Variants in KCNN3 observed in about 807,000 individuals in gnomAD.
The protein encoded by KCNN3 is small conductance calcium-activated potassium channel protein 3.
KCNN3 carries 16 observed loss-of-function variants against 62.9 expected under a neutral mutation model. That is an observed-to-expected ratio of 0.25 (90% CI 0.17 to 0.39). The LOEUF (loss-of-function observed/expected upper bound fraction) is 0.39. Among genes scored for constraint, KCNN3 ranks in the 10% least tolerant of loss-of-function variants. The pLI is 1.00. For missense variants in KCNN3, 599 were observed against 949.4 expected (o/e 0.63, Z 4.85); for synonymous variants, 370 against 389.2 (o/e 0.95, Z 0.58).
intron 1 of KCNN3, among the ~76,000 whole-genome samples, chr1:154,827,205 T>A (rs1651172834): frequency 6.6e-6 from 1 of 152,242 alleles, no homozygotes. Context: ...GCTCCAAAAT[T>A]GATTGATATT....
chr1:154,771,058 GATAAATAAATAAATAAATAAATAAATAA>G (rs112864449), intron 3 of KCNN3, among the ~76,000 whole-genome samples: 13 of 136,662 alleles, frequency 9.5e-5, no homozygotes, highest in African/African-American at 2.8e-4. Context: ...CTCCATCTCA[GATAAATAAATAAATAAATAAATAAATAA>G]ATAAATAAAT....
chr1:154,797,112 A>G lies in KCNN3; in HGVS notation c.1030-24719T>C, dbSNP rs143741916. On this transcript the variant is annotated intron_variant, in intron 2 of 7. Transcript: ENST00000271915. ...AGGAGAGGAGAGGGTAAGACCATCT[A>G]GAATATCCACCTCGTCCCTCCCCCT... is the stretch of plus-strand genomic sequence containing the variant. 7.2e-5 allele frequency among the ~76,000 whole-genome samples: 11 copies of G among 152,370 alleles called. No homozygotes were observed. The East Asian group carries it at 1.7e-3, about 24-fold the overall frequency.
intron 7 of KCNN3, among the ~76,000 whole-genome samples, chr1:154,712,399 C>T (rs937749968): frequency 6.6e-6 from 1 of 152,144 alleles, no homozygotes; most frequent in Admixed American, 6.5e-5. Context: ...CAAAGGCACG[C>T]GGGCCTGGAG....
rs80228100 is a variant in KCNN3, at chr1:154,723,327, G to A, written c.1701+2589C>T. On this transcript the variant is annotated intron_variant, in intron 5 of 7. Coordinates refer to ENST00000271915, the MANE Select transcript of KCNN3 (RefSeq NM_002249.6). ...TTGAGAAAAGATATTAGATATTAAA[G>A]AGACATTTCAACAGATTTAAGTGTT... 6.8e-3 allele frequency among the ~76,000 whole-genome samples: 1,033 copies of A among 152,290 alleles called. 13 individuals are homozygous for A. Among genetic ancestry groups the A allele is most frequent in the African/African-American group, 0.024 (1,009 of 41,528 alleles).
Position 154,869,982 on chromosome 1 carries a change from T to C in KCNN3, c.-18A>G. The C allele has an allele frequency of 6.2e-7, 1 of 1,608,964 alleles. No homozygotes were observed. Among genetic ancestry groups the C allele is most frequent in the South Asian group, 1.1e-5 (1 of 90,074 alleles). On this transcript the variant is annotated 5_prime_UTR_variant, in exon 1 of 8. Coordinates refer to ENST00000271915, the MANE Select transcript of KCNN3 (RefSeq NM_002249.6). This position sits in a 1 kb window ranked among gnomAD's most constrained non-coding sequence, Gnocchi z 6.1. ...GTGTCCATCTTGGGGCCTGGCTGTA[T>C]TCCCTGCAGCACAAGCCCCCACCCC...
rs769934739 is a variant in KCNN3, at chr1:154,869,742, G to GCTGCTGCTT, written c.222_223insAAGCAGCAG (p.Gln74_Gln75insLysGlnGln). On this transcript the variant is annotated inframe_insertion, in exon 1 of 8. Transcript: ENST00000271915. This position sits in a 1 kb window ranked among gnomAD's most constrained non-coding sequence, Gnocchi z 6.1. ...TGCGGTGGCTGCTGCTGCTGCTGCTGCTGCTGCTGCTGCTGCTGCTGCTGA... is the reference window on the plus strand; with the variant it reads ...TGCGGTGGCTGCTGCTGCTGCTGCTGCTGCTGCTTCTGCTGCTGCTGCTGCTGCTGCTGA... The GCTGCTGCTT allele has an allele frequency of 6.6e-7, 1 of 1,526,704 alleles. No homozygotes were observed. Among genetic ancestry groups the GCTGCTGCTT allele is most frequent in the African/African-American group, 1.4e-5 (1 of 72,372 alleles). 94.6% of individuals were successfully genotyped at this position (1,526,704 alleles called of 1,614,324 possible).
At chr1:154,863,986 A>G (rs1231750822) in intron 1 of KCNN3, among the ~76,000 whole-genome samples, 1 of 152,230 alleles carries the variant, frequency 6.6e-6, no homozygotes, top group Non-Finnish European at 1.5e-5. Context: ...TTATAAATAA[A>G]GTCACCACCA....
intron 1 of KCNN3, among the ~76,000 whole-genome samples, chr1:154,835,624 C>T (rs1651556065): frequency 6.6e-6 from 1 of 152,212 alleles, no homozygotes; most frequent in Admixed American, 6.5e-5. Flanking sequence ...CAATCACGGC[C>T]ATGTGCCTTG....
intron 4 of KCNN3, among the ~76,000 whole-genome samples, chr1:154,727,490 T>A (rs1700495763): frequency 6.6e-6 from 1 of 152,248 alleles, no homozygotes; most frequent in South Asian, 2.1e-4. Flanking sequence ...GGCTAGCCTG[T>A]GTGAAGTTTC....
At chr1:154,733,340 G>A (rs1042123548) in intron 3 of KCNN3, among the ~76,000 whole-genome samples, 196 bp from the exon 4 acceptor site, 4 of 152,166 alleles carry the variant, frequency 2.6e-5, no homozygotes, top group African/African-American at 4.8e-5. Flanking sequence ...GCAGCCCCCC[G>A]TCCCGTTGGC....
chr1:154,832,639 T>C (rs1651420480), intron 1 of KCNN3, among the ~76,000 whole-genome samples: 1 of 152,204 alleles, frequency 6.6e-6, no homozygotes, highest in Admixed American at 6.5e-5. Context: ...AAACAAATAA[T>C]TGTGCTTTCT....
intron 3 of KCNN3, among the ~76,000 whole-genome samples, chr1:154,752,669 T>TG (rs1382342099): frequency 2.0e-3 from 67 of 34,308 alleles, no homozygotes; most frequent in Middle Eastern, 9.4e-3. Flanking sequence ...TCCTTATTTA[T>TG]TAAAAAACAA....
At chr1:154,774,972 C>A (rs1648729198) in intron 2 of KCNN3, among the ~76,000 whole-genome samples, 1 of 152,246 alleles carries the variant, frequency 6.6e-6, no homozygotes, top group South Asian at 2.1e-4. Flanking sequence ...TGGAAATACA[C>A]CCTCAGCACA....
chr1:154,805,898 C>T (rs960003484), intron 2 of KCNN3, among the ~76,000 whole-genome samples: 2 of 152,178 alleles, frequency 1.3e-5, no homozygotes, highest in African/African-American at 4.8e-5. Flanking sequence ...ATTAAGGCCG[C>T]TAATCAGTTG....
intron 1 of KCNN3, among the ~76,000 whole-genome samples, chr1:154,852,219 T>TC (rs917992979): frequency 5.3e-5 from 8 of 152,046 alleles, no homozygotes; most frequent in Non-Finnish European, 1.0e-4. Flanking sequence ...TCTTTTTTTT[T>TC]TCTCGGACGG....
rs570803672 is a variant in KCNN3 at position 154,707,801 on chromosome 1, T to C, written c.*175A>G. 20 of 708,798 alleles carry C rather than the reference T, an allele frequency of 2.8e-5. No individual in the cohort carries two copies. The highest frequency in any genetic ancestry group is 3.5e-5 in the African/African-American group (2 of 56,414). The allele number at this position is 708,798 out of a possible 1,614,324, so 43.9% of individuals were successfully genotyped here. A position where few individuals can be genotyped will look rare whatever the true frequency, so the allele number is the denominator to read the frequency against. Reference sequence around the variant, plus strand: ...GGCACCTAAACAGAGATTAGATTTCTGGTTTCAAGGCATGTCGGACCAAGC... The same window carrying C: ...GGCACCTAAACAGAGATTAGATTTCCGGTTTCAAGGCATGTCGGACCAAGC... On this transcript the variant is annotated 3_prime_UTR_variant, in exon 8 of 8. Coordinates refer to ENST00000271915, the MANE Select transcript of KCNN3 (RefSeq NM_002249.6).
At chr1:154,755,542 G>GAAAGAAA in intron 3 of KCNN3, among the ~76,000 whole-genome samples, 1 of 96,996 alleles carries the variant, frequency 1.0e-5, no homozygotes, top group South Asian at 4.5e-4. Context: ...AGAAAGGAAA[G>GAAAGAAA]GAAGGAAGGA....
At chr1:154,724,265 TTCTC>T (rs376110344) in intron 5 of KCNN3, among the ~76,000 whole-genome samples, 7 of 151,914 alleles carry the variant, frequency 4.6e-5, no homozygotes, top group East Asian at 3.9e-4. Flanking sequence ...CCCTCTGTCA[TTCTC>T]TCTCTCTCTC....
In KCNN3 at chr1:154,701,604, A is replaced by T. The variant is rs1284804681; in HGVS notation, c.*6372T>A. On this transcript the variant is annotated 3_prime_UTR_variant, in exon 8 of 8. Transcript: ENST00000271915. Reference sequence around the variant, plus strand: ...GGGAACCCTTTATTTCCTCCCAGCTAGAGGAAGCTAGCAGAAAAGGCAGCC... The same window carrying T: ...GGGAACCCTTTATTTCCTCCCAGCTTGAGGAAGCTAGCAGAAAAGGCAGCC... 1 of 152,220 alleles carries T rather than the reference A, an allele frequency of 6.6e-6. No homozygotes were observed. The highest frequency in any genetic ancestry group is 1.9e-4 in the East Asian group (1 of 5,192). 9.4% of individuals were successfully genotyped at this position (152,220 alleles called of 1,614,324 possible).
Sources: gnomAD v4.1 joint callset for allele counts (sites outside exome capture counted in the v4.1 genomes callset) on GRCh38, gnomAD v4.1.1 for gene constraint, Gnocchi (gnomAD v3.1) non-coding constraint, MANE v1.5 for transcripts, NCBI Gene and HGNC (gene_info 2026-07-23, HGNC 2026-07-21) for gene names.